Variants in SGCZ observed in about 807,000 individuals in gnomAD.
SGCZ encodes sarcoglycan zeta.
In SGCZ, 40 loss-of-function variants were observed where a neutral mutation model predicts 41.3. The observed-to-expected ratio is 0.97, with a 90% confidence interval of 0.75 to 1.26. The LOEUF (loss-of-function observed/expected upper bound fraction) is 1.26. SGCZ is among the 50% of genes most tolerant of loss of function. The probability of loss-of-function intolerance (pLI) is 0.00; values close to 1 mark genes in which losing one functional copy is unlikely to be tolerated. For missense variants in SGCZ, 552 were observed against 369.8 expected, an observed-to-expected ratio of 1.49 and a Z score of -4.04; for synonymous variants, 206 against 137.5, an observed-to-expected ratio of 1.50 and a Z score of -3.49.
intron 1 of SGCZ, chr8:14,853,490 A>G (rs184836993): frequency 1.9e-5 from 10 of 533,142 alleles, no homozygotes; most frequent in South Asian, 1.4e-4. Context: ...CAAAGCCACA[A>G]TCACCTTCTG....
At chr8:14,430,583 A>G (rs770234946) in intron 2 of SGCZ, among the ~76,000 whole-genome samples, 9 of 152,148 alleles carry the variant, frequency 5.9e-5, no homozygotes, top group Admixed American at 1.3e-4. Flanking sequence ...CCCACGGCCA[A>G]CATAATACGG....
chr8:14,435,831 G>A (rs934173247), intron 2 of SGCZ, among the ~76,000 whole-genome samples: 1 of 152,054 alleles, frequency 6.6e-6, no homozygotes, highest in African/African-American at 2.4e-5. Flanking sequence ...TATTTAACAG[G>A]GCTAGCCCAT....
At chr8:14,526,448 T>C (rs1166632536) in intron 2 of SGCZ, among the ~76,000 whole-genome samples, 1 of 152,114 alleles carries the variant, frequency 6.6e-6, no homozygotes, top group Non-Finnish European at 1.5e-5. Flanking sequence ...ACATGGGAAA[T>C]TATAAACATA....
At chr8:14,285,120 A>C (rs73523336) in intron 3 of SGCZ, among the ~76,000 whole-genome samples, 3 of 151,942 alleles carry the variant, frequency 2.0e-5, no homozygotes, top group Non-Finnish European at 1.5e-5. Context: ...TTAAATCTCA[A>C]CTTTGCCTGG....
At chr8:14,131,579 T>C (rs957316492) in intron 5 of SGCZ, among the ~76,000 whole-genome samples, 1 of 152,216 alleles carries the variant, frequency 6.6e-6, no homozygotes, top group Non-Finnish European at 1.5e-5. Context: ...TCTTTGTTTT[T>C]GCCAGCTTGA....
At chr8:15,145,306 G>T (rs1288522668) in intron 1 of SGCZ, among the ~76,000 whole-genome samples, 1 of 152,124 alleles carries the variant, frequency 6.6e-6, no homozygotes, top group African/African-American at 2.4e-5. Flanking sequence ...ATATTATTTG[G>T]TAATAACTTT....
intron 1 of SGCZ, among the ~76,000 whole-genome samples, chr8:15,089,236 C>T (rs564056928): frequency 2.0e-5 from 3 of 152,068 alleles, no homozygotes; most frequent in African/African-American, 4.8e-5. Flanking sequence ...AGTTAATATT[C>T]ATTTCTTTGA....
chr8:14,656,381 T>C lies in SGCZ; in HGVS notation c.40-101455A>G, dbSNP rs568438647. On this transcript the variant is annotated intron_variant, in intron 1 of 7. Transcript: ENST00000382080. Reference sequence around the variant, plus strand: ...TTCTTCCTTTTCTTTTCGTTTTTTCTTCTTTTTCTCCCTTTCTCTTTCCTC... The same window carrying C: ...TTCTTCCTTTTCTTTTCGTTTTTTCCTCTTTTTCTCCCTTTCTCTTTCCTC... 2.7e-5 allele frequency among the ~76,000 whole-genome samples: 4 copies of C among 150,846 alleles called. No individual in the cohort carries two copies. In the South Asian group the frequency reaches 8.5e-4, roughly 32 times the overall value.
chr8:14,598,420 T>A (rs1192488583), intron 1 of SGCZ, among the ~76,000 whole-genome samples: 1 of 152,152 alleles, frequency 6.6e-6, no homozygotes, highest in East Asian at 1.9e-4. Flanking sequence ...TGTCTTTATG[T>A]TTTCAGGAAA....
intron 2 of SGCZ, among the ~76,000 whole-genome samples, chr8:14,381,322 A>G (rs1481271173): frequency 3.9e-5 from 6 of 152,224 alleles, no homozygotes; most frequent in Admixed American, 3.9e-4. Context: ...TCTGAATATA[A>G]AAACATACAA....
At chr8:14,935,600 G>C (rs927455030) in intron 1 of SGCZ, among the ~76,000 whole-genome samples, 1 of 151,692 alleles carries the variant, frequency 6.6e-6, no homozygotes, top group South Asian at 2.1e-4. Context: ...ATAAAACTTA[G>C]ATATTTATTA....
chr8:14,934,174 G>T (rs1318553613), intron 1 of SGCZ, among the ~76,000 whole-genome samples: 1 of 151,896 alleles, frequency 6.6e-6, no homozygotes, highest in African/African-American at 2.4e-5. Context: ...GTGTTCTAAA[G>T]AATATGTATT....
At chr8:14,306,609 G>A (rs1030423) in intron 3 of SGCZ, among the ~76,000 whole-genome samples, 83,201 of 151,894 alleles carry the variant, frequency 0.55, 23,014 homozygotes, top group Non-Finnish European at 0.59. Context: ...CCTGAAACAA[G>A]ACATGACAAG....
intron 4 of SGCZ, among the ~76,000 whole-genome samples, chr8:14,182,953 T>C (rs1411008572): frequency 3.5e-5 from 5 of 142,138 alleles, no homozygotes; most frequent in African/African-American, 2.7e-5. Flanking sequence ...GAGGTTGCAG[T>C]GAGCCGAGAT....
intron 2 of SGCZ, among the ~76,000 whole-genome samples, chr8:14,382,266 T>G (rs1028314530): frequency 2.0e-5 from 3 of 152,140 alleles, no homozygotes; most frequent in Admixed American, 2.0e-4. Flanking sequence ...AACTAAAGAA[T>G]ATTTACAAAA....
intron 4 of SGCZ, among the ~76,000 whole-genome samples, chr8:14,201,801 T>G (rs1410418032): frequency 6.6e-6 from 1 of 152,144 alleles, no homozygotes; most frequent in Non-Finnish European, 1.5e-5. Context: ...TGTAAAAATG[T>G]GTTTATAGAA....
chr8:14,448,541 A>G (rs1215183876), intron 2 of SGCZ, among the ~76,000 whole-genome samples: 1 of 152,204 alleles, frequency 6.6e-6, no homozygotes, highest in African/African-American at 2.4e-5. Context: ...TCAAATAACA[A>G]AAATCATCTA....
At chr8:14,670,659 G>A (rs1264744612) in intron 1 of SGCZ, among the ~76,000 whole-genome samples, 2 of 152,062 alleles carry the variant, frequency 1.3e-5, no homozygotes, top group African/African-American at 4.8e-5. Context: ...ATAATATTAA[G>A]AACACCAACA....
intron 1 of SGCZ, among the ~76,000 whole-genome samples, chr8:15,001,857 G>C (rs900709093): frequency 2.0e-5 from 3 of 151,868 alleles, no homozygotes; most frequent in African/African-American, 7.3e-5. Flanking sequence ...TTAAGACCCA[G>C]AGAAGTGAAA....
Sources: gnomAD v4.1 joint callset for allele counts (sites outside exome capture counted in the v4.1 genomes callset) on GRCh38, gnomAD v4.1.1 for gene constraint, MANE v1.5 for transcripts, NCBI Gene and HGNC (gene_info 2026-07-23, HGNC 2026-07-21) for gene names.